The following SLC35F4 variants were observed in gnomAD, a reference collection of about 807,000 sequenced individuals.
The protein encoded by SLC35F4 is solute carrier family 35 member F4.
Under a neutral mutation model 44.2 loss-of-function variants are expected in SLC35F4, and 24 were observed. The ratio of observed to expected loss-of-function variants is 0.54; its 90% CI spans 0.39 to 0.76. The LOEUF is 0.76. SLC35F4 is among the 30% of genes least tolerant of loss of function. The pLI, the probability that SLC35F4 is intolerant of heterozygous loss-of-function variation, is 0.00. For synonymous variants in SLC35F4, 238 were observed against 223.6 expected (o/e 1.06, Z -0.57); for missense variants, 562 against 586.1 (o/e 0.96, Z 0.42).
chr14:57,629,835 C>CTCGGT, intron 1 of SLC35F4: 4 of 332,156 alleles, frequency 1.2e-5, no homozygotes, highest in South Asian at 2.5e-5. Flanking sequence ...AGTGGAGGAT[C>CTCGGT]GGCAGCCGGA....
intron 1 of SLC35F4, among the ~76,000 whole-genome samples, chr14:57,890,349 G>A (rs944706574): frequency 2.0e-5 from 3 of 152,190 alleles, no homozygotes; most frequent in Admixed American, 6.5e-5. Context: ...ATTAAAGCTT[G>A]TTGTAAGCTT....
chr14:57,850,688 T>C (rs1163034640), intron 1 of SLC35F4, among the ~76,000 whole-genome samples: 2 of 152,230 alleles, frequency 1.3e-5, no homozygotes, highest in Non-Finnish European at 2.9e-5. Context: ...TTGGAAACAC[T>C]GTTTCTCAGA....
intron 4 of SLC35F4, among the ~76,000 whole-genome samples, chr14:57,576,004 T>C (rs2068766643): frequency 6.6e-6 from 1 of 152,106 alleles, no homozygotes; most frequent in Admixed American, 6.5e-5. Flanking sequence ...TTTTCTTTTT[T>C]CTTTTTCTCT....
At chr14:57,967,985 C>T (rs566409462) in intron 1 of SLC35F4, among the ~76,000 whole-genome samples, 25 of 152,248 alleles carry the variant, frequency 1.6e-4, no homozygotes, top group African/African-American at 5.8e-4. Flanking sequence ...AATTCTTAGT[C>T]TGTTTTCTAA....
At chr14:57,775,991 G>T (rs1319918907) in intron 1 of SLC35F4, among the ~76,000 whole-genome samples, 2 of 152,104 alleles carry the variant, frequency 1.3e-5, no homozygotes, top group Non-Finnish European at 2.9e-5. Context: ...CATGCTACAA[G>T]AATTTCATAA....
intron 1 of SLC35F4, among the ~76,000 whole-genome samples, chr14:57,821,413 A>G (rs1883165587): frequency 6.6e-6 from 1 of 152,248 alleles, no homozygotes. Context: ...TAAGGCTACC[A>G]CTGGGCAAAG....
chr14:57,623,469 A>T (rs1311539670), intron 1 of SLC35F4, among the ~76,000 whole-genome samples: 1 of 152,236 alleles, frequency 6.6e-6, no homozygotes, highest in Non-Finnish European at 1.5e-5. Context: ...CCTAATTGAC[A>T]TCTAGAGAAC....
intron 1 of SLC35F4, among the ~76,000 whole-genome samples, chr14:57,842,123 C>T (rs1885546940): frequency 6.6e-6 from 1 of 152,096 alleles, no homozygotes; most frequent in Non-Finnish European, 1.5e-5. Flanking sequence ...GAAAAATAAC[C>T]ATGTTTTTAA....
chr14:57,565,796 C>A (rs1288153403), intron 7 of SLC35F4, among the ~76,000 whole-genome samples: 1 of 152,060 alleles, frequency 6.6e-6, no homozygotes, highest in African/African-American at 2.4e-5. Flanking sequence ...TTTTTTGCTG[C>A]CCTGATCACA....
intron 1 of SLC35F4, among the ~76,000 whole-genome samples, chr14:57,892,497 A>C (rs1888790489): frequency 6.6e-6 from 1 of 152,220 alleles, no homozygotes; most frequent in South Asian, 2.1e-4. Flanking sequence ...TGTGCCTAAA[A>C]TAATGCCACT....
At position 57,944,744 on chromosome 14, in the gene SLC35F4, AAAGAAAG is replaced by A. The variant is rs1426334438; in HGVS notation, n.282+37162_282+37168del. Reference sequence around the variant, plus strand: ...GAAAGAAAGAAAGAAAGAAAGAAAGAAAGAAAGAAGAAAGGAAGAAAGAAAAGAAAAG... The same window carrying A: ...GAAAGAAAGAAAGAAAGAAAGAAAGAAAGAAAGGAAGAAAGAAAAGAAAAG... On this transcript the variant is annotated intron_variant and non_coding_transcript_variant, in intron 1 of 1. Coordinates refer to the SLC35F4 transcript ENST00000556568. Among the ~76,000 whole-genome samples, 30 of 146,186 alleles carry A rather than the reference AAAGAAAG, an allele frequency of 2.1e-4. No individual in the cohort carries two copies. The East Asian group carries it at 2.6e-3, about 13-fold the overall frequency.
At chr14:57,640,890 T>C (rs1323835157) in intron 1 of SLC35F4, among the ~76,000 whole-genome samples, 3 of 152,004 alleles carry the variant, frequency 2.0e-5, no homozygotes, top group Non-Finnish European at 2.9e-5. Flanking sequence ...ATAGATCTGA[T>C]TGAAGGCAAT....
At position 57,639,617 on chromosome 14, in the gene SLC35F4, A is replaced by G. The variant is rs2073145752; in HGVS notation, c.104-45493T>C. Reference sequence around the variant, plus strand: ...GCTCCCATAATTCCATATCAAAATAATTCCAGGATATTATTGCTTTCTTGG... The same window carrying G: ...GCTCCCATAATTCCATATCAAAATAGTTCCAGGATATTATTGCTTTCTTGG... On this transcript the variant is annotated intron_variant, in intron 1 of 7. Transcript: ENST00000556826. Among the ~76,000 whole-genome samples the G allele has an allele frequency of 2.0e-5, 3 of 152,050 alleles. No homozygotes were observed. In the South Asian group the frequency reaches 6.2e-4, roughly 32 times the overall value.
intron 1 of SLC35F4, among the ~76,000 whole-genome samples, chr14:57,747,662 A>G (rs2076791773): frequency 6.6e-6 from 1 of 152,212 alleles, no homozygotes; most frequent in Non-Finnish European, 1.5e-5. Context: ...ATACTTCAGA[A>G]TATCTCTTTA....
chr14:57,627,941 C>G (rs2140117704), intron 1 of SLC35F4, among the ~76,000 whole-genome samples: 1 of 152,192 alleles, frequency 6.6e-6, no homozygotes, highest in African/African-American at 2.4e-5. Flanking sequence ...GGCTCAACCT[C>G]AGCTCAGTTG....
chr14:57,641,877 A>G (rs560263510), intron 1 of SLC35F4, among the ~76,000 whole-genome samples: 1 of 152,144 alleles, frequency 6.6e-6, no homozygotes, highest in South Asian at 2.1e-4. Flanking sequence ...AGAGGTGGGT[A>G]TAAGTAACTT....
At chr14:57,595,134 T>C (rs561276107) in intron 1 of SLC35F4, among the ~76,000 whole-genome samples, 2 of 152,248 alleles carry the variant, frequency 1.3e-5, no homozygotes, top group African/African-American at 4.8e-5. Context: ...AATCATCATG[T>C]CCCTTTATCC....
intron 1 of SLC35F4, among the ~76,000 whole-genome samples, chr14:57,963,883 C>A (rs569760250): frequency 6.6e-5 from 10 of 151,876 alleles, no homozygotes; most frequent in African/African-American, 2.4e-4. Context: ...TCACCATGCT[C>A]GGCTAATTTT....
At chr14:57,736,436 T>A (rs1453623111) in intron 1 of SLC35F4, among the ~76,000 whole-genome samples, 4 of 152,078 alleles carry the variant, frequency 2.6e-5, no homozygotes, top group Admixed American at 2.6e-4. Flanking sequence ...GCCTGTATAG[T>A]AAAATCTTCA....
Sources: allele counts gnomAD v4.1 joint callset (sites outside exome capture counted in the v4.1 genomes callset), GRCh38; gene constraint gnomAD v4.1.1; transcripts MANE v1.5; gene names NCBI Gene and HGNC (gene_info 2026-07-23, HGNC 2026-07-21).